SORD: variants seen among roughly 807,000 people sequenced by gnomAD.
The protein encoded by SORD is (R,R)-butanediol dehydrogenase.
Under a neutral mutation model 35.6 loss-of-function variants are expected in SORD, and 18 were observed. The ratio of observed to expected loss-of-function variants is 0.51; its 90% CI spans 0.35 to 0.75. The LOEUF is 0.75. SORD is among the 30% of genes least tolerant of loss of function. The pLI, the probability that SORD is intolerant of heterozygous loss-of-function variation, is 0.01. For missense variants in SORD, 250 were observed against 390.2 expected, an observed-to-expected ratio of 0.64 and a Z score of 3.03; for synonymous variants, 106 against 152.9, an observed-to-expected ratio of 0.69 and a Z score of 2.26.
chr15:45,055,888 C>T (rs1318660144), intron 3 of SORD, among the ~76,000 whole-genome samples: 1 of 152,026 alleles, frequency 6.6e-6, no homozygotes, highest in Non-Finnish European at 1.5e-5. Context: ...AAGACAAAAA[C>T]CACGTGATTA....
Position 45,073,406 on chromosome 15 carries a change from A to G in SORD, c.950A>G (p.Asn317Ser). The G allele has an allele frequency of 3.3e-6, 5 of 1,522,946 alleles. No individual in the cohort carries two copies. The highest frequency in any genetic ancestry group is 4.4e-6 in the Non-Finnish European group (5 of 1,133,790). 94.3% of individuals were successfully genotyped at this position (1,522,946 alleles called of 1,614,324 possible). ...AISMLASKSV[N>S]VKPLVTHRFP... ...TCGATGCTTGCGTCCAAGTCTGTGA[A>G]TGTAAAACCCCTCGTCACCCATAGG... Residue 317 changes from asparagine (N) to serine (S), a missense_variant, in exon 9 of 9, where the codon AAT (asparagine) becomes AGT (serine). Around this residue, in one of 8 missense-constraint regions of SORD, gnomAD observed 7 missense variants for 57.9 expected, o/e 0.12. Coordinates refer to ENST00000267814, the MANE Select transcript of SORD (RefSeq NM_003104.6).
At chr15:45,034,643 G>T (rs894282152) in intron 1 of SORD, among the ~76,000 whole-genome samples, 1 of 152,246 alleles carries the variant, frequency 6.6e-6, no homozygotes, top group African/African-American at 2.4e-5. Context: ...CAGCTGAAGG[G>T]GATAGAAGGT....
At chr15:45,062,496 G>A (rs1240156980) in intron 4 of SORD, among the ~76,000 whole-genome samples, 1 of 151,904 alleles carries the variant, frequency 6.6e-6, no homozygotes, top group Non-Finnish European at 1.5e-5. Flanking sequence ...GCCAGGATGG[G>A]GCTTGTCCGG....
At chr15:45,067,084 G>A (rs1289367695) in intron 5 of SORD, among the ~76,000 whole-genome samples, 2 of 152,150 alleles carry the variant, frequency 1.3e-5, no homozygotes, top group Non-Finnish European at 2.9e-5. Flanking sequence ...AAATCAGGCT[G>A]GGCATGGTGG....
At chr15:45,033,400 A>T (rs1595495788) in intron 1 of SORD, among the ~76,000 whole-genome samples, 1 of 150,428 alleles carries the variant, frequency 6.6e-6, no homozygotes, top group Admixed American at 6.7e-5. Flanking sequence ...ATTGTTATAC[A>T]ATATTATTCA....
chr15:45,050,199 A>C (rs2141274364), intron 3 of SORD, among the ~76,000 whole-genome samples: 1 of 152,180 alleles, frequency 6.6e-6, no homozygotes, highest in South Asian at 2.1e-4. Flanking sequence ...CTCCTGCCTC[A>C]GCCTCCTGAG....
intron 3 of SORD, among the ~76,000 whole-genome samples, chr15:45,044,224 T>G (rs1212062160): frequency 1.3e-5 from 2 of 152,210 alleles, no homozygotes; most frequent in African/African-American, 4.8e-5. Flanking sequence ...GTGGAATGTT[T>G]ATAGCTTCCA....
intron 7 of SORD, chr15:45,069,969 G>A (rs1893484257): frequency 6.6e-6 from 1 of 152,316 alleles, no homozygotes; most frequent in South Asian, 2.1e-4. Flanking sequence ...GTCATTGACA[G>A]ATCAAAGTAT....
At chr15:45,038,870 G>A (rs763698786) in intron 1 of SORD, among the ~76,000 whole-genome samples, 20 of 152,032 alleles carry the variant, frequency 1.3e-4, no homozygotes, top group Admixed American at 2.6e-4. Context: ...TTCTTCATGG[G>A]GCCCAGCTCT....
intron 1 of SORD, among the ~76,000 whole-genome samples, chr15:45,026,387 G>A (rs555640257): frequency 6.6e-6 from 1 of 152,258 alleles, no homozygotes; most frequent in African/African-American, 2.4e-5. Flanking sequence ...GCATTTTGGG[G>A]GGAAAAAAGC....
chr15:45,030,241 G>A (rs1474742782), intron 1 of SORD, among the ~76,000 whole-genome samples: 2 of 152,220 alleles, frequency 1.3e-5, no homozygotes, highest in African/African-American at 4.8e-5. Flanking sequence ...GAAGAAGCAA[G>A]CAATATCACA....
chr15:45,030,512 T>C (rs892414032), intron 1 of SORD, among the ~76,000 whole-genome samples: 1 of 152,230 alleles, frequency 6.6e-6, no homozygotes, highest in Non-Finnish European at 1.5e-5. Context: ...AAAGTAATAT[T>C]CAACTCAACA....
In SORD at chr15:45,069,066, G is replaced by A. The variant is rs759000228; in HGVS notation, c.786+14G>A. The A allele has an allele frequency of 1.3e-6, 2 of 1,596,332 alleles. No homozygotes were observed. Among genetic ancestry groups the A allele is most frequent in the African/African-American group, 2.7e-5 (2 of 73,756 alleles). On this transcript the variant is annotated intron_variant, in intron 7 of 8. Coordinates refer to ENST00000267814, the MANE Select transcript of SORD (RefSeq NM_003104.6). ...GCGGGCATCTACGTGAGTGGGCTGAGGGCAGCTTTGGGGAATCAGCATAGG... is the reference window on the plus strand; with the variant it reads ...GCGGGCATCTACGTGAGTGGGCTGAAGGCAGCTTTGGGGAATCAGCATAGG...
intron 3 of SORD, among the ~76,000 whole-genome samples, chr15:45,049,163 G>A (rs1893089872): frequency 6.6e-6 from 1 of 152,130 alleles, no homozygotes; most frequent in Admixed American, 6.5e-5. Flanking sequence ...ATTTTTCCAG[G>A]CTGCTCTTTT....
intron 3 of SORD, among the ~76,000 whole-genome samples, chr15:45,052,414 G>C (rs575396501): frequency 1.7e-4 from 26 of 152,292 alleles, no homozygotes; most frequent in African/African-American, 6.0e-4. Context: ...CATGGAGCCT[G>C]GTCCCTAATA....
intron 4 of SORD, among the ~76,000 whole-genome samples, chr15:45,061,704 A>G (rs964254037): frequency 1.5e-4 from 23 of 151,860 alleles, no homozygotes; most frequent in African/African-American, 5.3e-4. Flanking sequence ...CATCTCTACT[A>G]AAAAAATACA....
At chr15:45,065,824 G>T (rs1893396173) in intron 5 of SORD, among the ~76,000 whole-genome samples, 1 of 152,100 alleles carries the variant, frequency 6.6e-6, no homozygotes, top group Admixed American at 6.5e-5. Flanking sequence ...GAAGGCTGAG[G>T]TGGGAGGATC....
chr15:45,035,941 C>T (rs1172358979), intron 1 of SORD, among the ~76,000 whole-genome samples: 2 of 151,630 alleles, frequency 1.3e-5, no homozygotes, highest in East Asian at 3.9e-4. Flanking sequence ...ACTCCGGACA[C>T]GTCGCCTTTA....
intron 1 of SORD, among the ~76,000 whole-genome samples, chr15:45,038,139 CCTTCCT>C (rs1892901723): frequency 1.3e-5 from 1 of 75,962 alleles, no homozygotes; most frequent in Non-Finnish European, 2.4e-5. Context: ...TTCCTTCCTT[CCTTCCT>C]TCCTTCCTTC....
Sources: allele counts gnomAD v4.1 joint callset (sites outside exome capture counted in the v4.1 genomes callset), GRCh38; gene constraint gnomAD v4.1.1; regional missense constraint gnomAD v4.1.1; transcripts MANE v1.5; gene names NCBI Gene and HGNC (gene_info 2026-07-23, HGNC 2026-07-21).